The following FAM171A1 variants were observed in gnomAD, a reference collection of about 807,000 sequenced individuals.
The protein encoded by FAM171A1 is protein FAM171A1.
In FAM171A1, 23 loss-of-function variants were observed where a neutral mutation model predicts 74.9. The observed-to-expected ratio is 0.31, with a 90% CI of 0.22 to 0.44. The LOEUF is 0.44. Ranked by LOEUF, FAM171A1 falls within the 20% of genes least tolerant of loss-of-function variation. The pLI, the probability that FAM171A1 is intolerant of heterozygous loss-of-function variation, is 1.00. For synonymous variants in FAM171A1, 527 were observed against 505.7 expected, an observed-to-expected ratio of 1.04 and a Z score of -0.57; for missense variants, 1,162 against 1,159.2, an observed-to-expected ratio of 1.00 and a Z score of -0.03.
intron 1 of FAM171A1, among the ~76,000 whole-genome samples, chr10:15,320,877 A>G (rs138405788): frequency 1.2e-4 from 19 of 152,372 alleles, no homozygotes; most frequent in Admixed American, 3.3e-4. Flanking sequence ...AAAATTATCA[A>G]TGAAAAGTAT....
intron 3 of FAM171A1, among the ~76,000 whole-genome samples, chr10:15,266,663 C>T (rs1022360732): frequency 6.6e-6 from 1 of 151,868 alleles, no homozygotes; most frequent in Non-Finnish European, 1.5e-5. Flanking sequence ...GTCAGGAGTT[C>T]GAGACCAGCT....
At chr10:15,273,787 A>G (rs973277335) in intron 3 of FAM171A1, among the ~76,000 whole-genome samples, 1 of 152,214 alleles carries the variant, frequency 6.6e-6, no homozygotes, top group Non-Finnish European at 1.5e-5. Flanking sequence ...CAAAAACCAC[A>G]TGATTATCTC....
chr10:15,321,591 C>T (rs892135667), intron 1 of FAM171A1, among the ~76,000 whole-genome samples: 2 of 152,128 alleles, frequency 1.3e-5, no homozygotes, highest in African/African-American at 4.8e-5. Context: ...ACACCAACCA[C>T]AAAGAAAAAC....
intron 1 of FAM171A1, among the ~76,000 whole-genome samples, chr10:15,333,311 T>C (rs1290256319): frequency 2.0e-5 from 3 of 151,966 alleles, no homozygotes; most frequent in Admixed American, 6.6e-5. Context: ...CTGACCAATA[T>C]GGTGATGGTG....
chr10:15,305,349 C>T (rs1319490500), intron 1 of FAM171A1, among the ~76,000 whole-genome samples: 1 of 152,142 alleles, frequency 6.6e-6, no homozygotes, highest in East Asian at 1.9e-4. Context: ...GAACCTCTCA[C>T]GTCACCTTCC....
intron 3 of FAM171A1, among the ~76,000 whole-genome samples, chr10:15,259,380 C>T (rs1376240923): frequency 6.6e-6 from 1 of 152,148 alleles, no homozygotes; most frequent in Non-Finnish European, 1.5e-5. Flanking sequence ...AGATACTACT[C>T]TAATCATGTC....
Position 15,254,795 on chromosome 10 carries a change from A to C in FAM171A1, c.503T>G (p.Phe168Cys). The stretch of plus-strand genomic sequence containing the variant: ...CGAAGGGGAGCTGGCGGCCGTGAGA[A>C]ACGCGGTCAGGTCACTGTAGCTGGT... Reference protein sequence around the residue: ...ENTSYSDLTAFLTAASSPSEV... With the variant: ...ENTSYSDLTACLTAASSPSEV... Residue 168 changes from phenylalanine (F) to cysteine (C), a missense_variant, in exon 4 of 8, where the codon TTT becomes TGT. Transcript: ENST00000378116. 1.2e-6 allele frequency: 2 copies of C among 1,614,228 alleles called. No individual in the cohort carries two copies. The highest frequency in any genetic ancestry group is 1.7e-6 in the Non-Finnish European group (2 of 1,180,034).
At chr10:15,283,513 G>C (rs1158327298) in intron 2 of FAM171A1, among the ~76,000 whole-genome samples, 2 of 152,184 alleles carry the variant, frequency 1.3e-5, no homozygotes, top group Non-Finnish European at 2.9e-5. Flanking sequence ...AGAGGCGTTT[G>C]CTCGTTAAAA....
intron 1 of FAM171A1, among the ~76,000 whole-genome samples, chr10:15,288,248 CATA>C (rs761142893): frequency 6.6e-6 from 1 of 152,106 alleles, no homozygotes; most frequent in Non-Finnish European, 1.5e-5. Context: ...ATCTTTTTCA[CATA>C]ATAACTTTTT....
chr10:15,238,709 T>C (rs1834327114), intron 5 of FAM171A1, among the ~76,000 whole-genome samples: 1 of 152,122 alleles, frequency 6.6e-6, no homozygotes, highest in Admixed American at 6.6e-5. Context: ...CAATTGTGAG[T>C]GGGTATTCCT....
intron 3 of FAM171A1, among the ~76,000 whole-genome samples, chr10:15,259,827 C>G (rs1028406516): frequency 3.4e-5 from 5 of 145,596 alleles, no homozygotes; most frequent in African/African-American, 5.0e-5. Flanking sequence ...TGTTTCTTTC[C>G]TTTTTTTTTT....
At chr10:15,254,673 G>T (rs1454601143) in intron 4 of FAM171A1, 48 bp downstream of exon 4, 1 of 1,592,638 alleles carries the variant, frequency 6.3e-7, no homozygotes, top group Non-Finnish European at 8.6e-7. Flanking sequence ...CACATGTAAA[G>T]ACTAAAACAC....
At chr10:15,292,981 C>T (rs933186023) in intron 1 of FAM171A1, among the ~76,000 whole-genome samples, 1 of 152,154 alleles carries the variant, frequency 6.6e-6, no homozygotes, top group Non-Finnish European at 1.5e-5. Flanking sequence ...CCCAGCCTCA[C>T]CCCAAATTTC....
chr10:15,362,192 C>T (rs1346562833), intron 1 of FAM171A1, among the ~76,000 whole-genome samples: 1 of 152,210 alleles, frequency 6.6e-6, no homozygotes, highest in Non-Finnish European at 1.5e-5. Context: ...TGACCTAATT[C>T]TTCCATCGTT....
intron 1 of FAM171A1, among the ~76,000 whole-genome samples, chr10:15,285,843 T>C (rs1835029314): frequency 1.3e-5 from 2 of 152,160 alleles, no homozygotes; most frequent in African/African-American, 4.8e-5. Flanking sequence ...GGCTGCAGGC[T>C]GGCTGGGTAC....
intron 3 of FAM171A1, among the ~76,000 whole-genome samples, chr10:15,266,687 G>A (rs960952497): frequency 2.0e-5 from 3 of 152,034 alleles, no homozygotes; most frequent in South Asian, 2.1e-4. Flanking sequence ...GCAACATAGC[G>A]AGACCCCCGT....
intron 5 of FAM171A1, chr10:15,241,579 T>G (rs368372993): frequency 6.6e-6 from 1 of 152,222 alleles, no homozygotes; most frequent in African/African-American, 2.4e-5. Context: ...CCATGAGATA[T>G]TCTCCTTTTG....
chr10:15,250,305 C>T (rs1015396014), intron 4 of FAM171A1, among the ~76,000 whole-genome samples: 7 of 152,162 alleles, frequency 4.6e-5, no homozygotes, highest in African/African-American at 1.2e-4. Context: ...AAAAAAACAA[C>T]CAACCAACAA....
chr10:15,356,974 AC>A (rs1835939883), intron 1 of FAM171A1, among the ~76,000 whole-genome samples: 2 of 151,372 alleles, frequency 1.3e-5, no homozygotes, highest in South Asian at 4.2e-4. Context: ...GTCTCAAAAA[AC>A]AAAAACAAAC....
Sources: gnomAD v4.1 joint callset for allele counts (sites outside exome capture counted in the v4.1 genomes callset) on GRCh38, gnomAD v4.1.1 for gene constraint, MANE v1.5 for transcripts, NCBI Gene and HGNC (gene_info 2026-07-23, HGNC 2026-07-21) for gene names.